The following CD247 variants were observed in gnomAD, a reference collection of about 807,000 sequenced individuals.
CD247 encodes the protein T-cell surface glycoprotein CD3 zeta chain.
A neutral mutation model predicts 30.0 loss-of-function variants in CD247; 13 were observed. The ratio of observed to expected loss-of-function variants is 0.43; its 90% CI spans 0.28 to 0.69. CD247 has a LOEUF of 0.69. Among genes scored for constraint, CD247 ranks in the 30% least tolerant of loss-of-function variants. The pLI, the probability that CD247 is intolerant of heterozygous loss-of-function variation, is 0.16. For missense variants in CD247, 193 were observed against 212.6 expected (o/e 0.91, Z 0.57); for synonymous variants, 72 against 80.0 (o/e 0.90, Z 0.53).
chr1:167,517,862 C>A (rs964728501), intron 1 of CD247, among the ~76,000 whole-genome samples: 1 of 152,182 alleles, frequency 6.6e-6, no homozygotes, highest in Non-Finnish European at 1.5e-5. Context: ...TGCCTGTGCC[C>A]CTCTCCTCCT....
chr1:167,468,971 A>C (rs1429733472), intron 1 of CD247, among the ~76,000 whole-genome samples: 1 of 151,856 alleles, frequency 6.6e-6, no homozygotes, highest in Non-Finnish European at 1.5e-5. Flanking sequence ...AAAAAAAAAA[A>C]CAGGAGTTCC....
chr1:167,441,051 T>G (rs982568614), intron 1 of CD247, among the ~76,000 whole-genome samples: 27 of 152,164 alleles, frequency 1.8e-4, no homozygotes, highest in Admixed American at 1.2e-3. Flanking sequence ...GGCTGTTCTC[T>G]GTGCACAGAG....
At chr1:167,452,152 G>A (rs998842301) in intron 1 of CD247, among the ~76,000 whole-genome samples, 3 of 152,218 alleles carry the variant, frequency 2.0e-5, no homozygotes, top group African/African-American at 7.2e-5. Context: ...TTGAACTTGG[G>A]AGGCAGAGGT....
chr1:167,451,879 G>A (rs1410312015), intron 1 of CD247, among the ~76,000 whole-genome samples: 1 of 152,056 alleles, frequency 6.6e-6, no homozygotes, highest in Non-Finnish European at 1.5e-5. Context: ...GGCTGAGGTG[G>A]GTAGATAACC....
intron 4 of CD247, 22 bp from the exon 5 acceptor site, chr1:167,435,456 C>G: frequency 6.2e-7 from 1 of 1,605,196 alleles, no homozygotes; most frequent in Non-Finnish European, 8.5e-7. Context: ...AACGGGAAGA[C>G]GTTAGAGGGA....
At chr1:167,439,473 G>T in intron 2 of CD247, 73 bp from the exon 3 acceptor site, 2 of 1,339,548 alleles carry the variant, frequency 1.5e-6, no homozygotes, top group Non-Finnish European at 1.1e-6. Flanking sequence ...CAGGGCGCGC[G>T]GCGACCCGAG....
intron 1 of CD247, among the ~76,000 whole-genome samples, chr1:167,442,451 C>T (rs1489460298): frequency 6.6e-6 from 1 of 152,216 alleles, no homozygotes; most frequent in Non-Finnish European, 1.5e-5. Flanking sequence ...TCAGCTGCCT[C>T]TTCTGTTGAA....
At chr1:167,433,278 C>T (rs1651364150) in intron 6 of CD247, among the ~76,000 whole-genome samples, 1 of 152,188 alleles carries the variant, frequency 6.6e-6, no homozygotes, top group Non-Finnish European at 1.5e-5. Flanking sequence ...CTTGGGTTTG[C>T]TCCACCCCAC....
At chr1:167,506,672 C>T (rs1655152418) in intron 1 of CD247, among the ~76,000 whole-genome samples, 1 of 152,082 alleles carries the variant, frequency 6.6e-6, no homozygotes, top group Admixed American at 6.6e-5. Flanking sequence ...GATATTGCCA[C>T]AGGCCACTTC....
intron 1 of CD247, among the ~76,000 whole-genome samples, chr1:167,456,648 C>T (rs2102021037): frequency 6.6e-6 from 1 of 152,262 alleles, no homozygotes; most frequent in East Asian, 1.9e-4. Flanking sequence ...CACCACTCTT[C>T]GGGGACCACC....
At chr1:167,453,752 G>A (rs553822785) in intron 1 of CD247, among the ~76,000 whole-genome samples, 1 of 152,238 alleles carries the variant, frequency 6.6e-6, no homozygotes, top group South Asian at 2.1e-4. Context: ...AGGATTTCTT[G>A]AGCTCAGGAG....
intron 1 of CD247, among the ~76,000 whole-genome samples, chr1:167,505,117 A>G (rs1051569011): frequency 6.6e-6 from 1 of 152,066 alleles, no homozygotes; most frequent in Admixed American, 6.6e-5. Flanking sequence ...CCTTGTACAT[A>G]GCTGACATTT....
Position 167,431,624 on chromosome 1 carries a change from G to T in CD247, c.*57C>A. The T allele has an allele frequency of 1.5e-6, 2 of 1,365,496 alleles. No individual in the cohort carries two copies. Among genetic ancestry groups the T allele is most frequent in the Non-Finnish European group, 1.0e-6 (1 of 952,804 alleles). 84.6% of individuals were successfully genotyped at this position (1,365,496 alleles called of 1,614,324 possible). On this transcript the variant is annotated 3_prime_UTR_variant, in exon 8 of 8. Transcript: ENST00000362089. ...CCGGGTTGTAAATGCTTCATCCTGT[G>T]TCTCATAATCTGGGCGTCTGCAGGT... is the stretch of plus-strand genomic sequence containing the variant.
At chr1:167,464,565 C>T (rs1344144805) in intron 1 of CD247, among the ~76,000 whole-genome samples, 2 of 152,224 alleles carry the variant, frequency 1.3e-5, no homozygotes, top group African/African-American at 4.8e-5. Flanking sequence ...GACAAGGATG[C>T]TGGCTCCCAA....
chr1:167,438,679 A>AG, intron 3 of CD247, 29 bp from the exon 4 acceptor site: 1 of 1,556,074 alleles, frequency 6.4e-7, no homozygotes, highest in Non-Finnish European at 8.9e-7. Flanking sequence ...TGTCAGACAC[A>AG]GGACGGAGGA....
chr1:167,513,971 TA>T (rs1655495546), intron 1 of CD247, among the ~76,000 whole-genome samples: 1 of 152,218 alleles, frequency 6.6e-6, no homozygotes, highest in African/African-American at 2.4e-5. Context: ...GTTTTGTTTT[TA>T]AAATAACATT....
rs760005631 is a variant in CD247, at chr1:167,434,009, G to A, written c.393+11C>T. The A allele has an allele frequency of 6.2e-7, 1 of 1,611,772 alleles. No homozygotes were observed. The highest frequency in any genetic ancestry group is 8.5e-7 in the Non-Finnish European group (1 of 1,177,778). ...GAACTCCCTCGGAAATTAAGAAACAGCAACACTCACCTCGCCTTTCATCCC... is the reference window on the plus strand; with the variant it reads ...GAACTCCCTCGGAAATTAAGAAACAACAACACTCACCTCGCCTTTCATCCC... On this transcript the variant is annotated intron_variant, in intron 6 of 7. Transcript: ENST00000362089.
At position 167,431,729 on chromosome 1, in the gene CD247, G is replaced by A. The variant is rs769754355; in HGVS notation, c.447C>T (p.Thr149=). 1 of 1,614,014 alleles carries A rather than the reference G, an allele frequency of 6.2e-7. No individual in the cohort carries two copies. The highest frequency in any genetic ancestry group is 8.5e-7 in the Non-Finnish European group (1 of 1,179,954). ...DGLYQGLSTA[T]KDTYDALHMQ... is the part of the protein sequence containing the mutation. ...TGTGAAGGGCGTCGTAGGTGTCCTT[G>A]GTGGCTGTACTGAGACCCTGGCGTG... The change falls in exon 8 of 8, where the codon ACC becomes ACT. Residue 149 remains threonine, a synonymous_variant. Transcript: ENST00000362089.
intron 1 of CD247, among the ~76,000 whole-genome samples, chr1:167,451,123 C>T (rs965499028): frequency 2.0e-5 from 3 of 151,544 alleles, no homozygotes; most frequent in African/African-American, 7.3e-5. Context: ...CTCTGAACTG[C>T]AAGCAGGGGT....
Sources: allele counts gnomAD v4.1 joint callset (sites outside exome capture counted in the v4.1 genomes callset), GRCh38; gene constraint gnomAD v4.1.1; transcripts MANE v1.5; gene names NCBI Gene and HGNC (gene_info 2026-07-23, HGNC 2026-07-21).